The following PLCD1 variants were observed in gnomAD, a reference collection of about 807,000 sequenced individuals.
PLCD1 encodes 1-phosphatidylinositol 4,5-bisphosphate phosphodiesterase delta-1.
A neutral mutation model predicts 87.4 loss-of-function variants in PLCD1; 71 were observed. The ratio of observed to expected loss-of-function variants is 0.81; its 90% CI spans 0.67 to 0.99. The LOEUF (loss-of-function observed/expected upper bound fraction) is 0.99. PLCD1 is among the 50% of genes least tolerant of loss of function. PLCD1 has a pLI of 0.00. For missense variants in PLCD1, 867 were observed against 1,001.5 expected, an observed-to-expected ratio of 0.87 and a Z score of 1.81; for synonymous variants, 348 against 399.2, an observed-to-expected ratio of 0.87 and a Z score of 1.53.
intron 5 of PLCD1, 29 bp from the exon 6 acceptor site, chr3:38,010,591 G>A: frequency 1.3e-6 from 2 of 1,593,246 alleles, no homozygotes; most frequent in Non-Finnish European, 1.7e-6. Context: ...CTGCCCGTCA[G>A]AGCCAGCCTC....
At chr3:38,020,418 C>T in intron 1 of PLCD1, 66 bp from the exon 2 acceptor site, 1 of 1,475,884 alleles carries the variant, frequency 6.8e-7, no homozygotes. Context: ...AGGCCTCACA[C>T]TGGCCATGCC....
chr3:38,010,288 T>C lies in PLCD1; in HGVS notation c.993-13A>G. The C allele has an allele frequency of 6.2e-7, 1 of 1,613,918 alleles. No homozygotes were observed. Among genetic ancestry groups the C allele is most frequent in the Non-Finnish European group, 8.5e-7 (1 of 1,179,956 alleles). ...TTTGCACAGTGCCCTGCGGGGAGGG[T>C]GGTGGCTAGGACCCTCCAGGTCCTG... On this transcript the variant is annotated splice_polypyrimidine_tract_variant and intron_variant, in intron 6 of 14. Coordinates refer to ENST00000334661, the MANE Select transcript of PLCD1 (RefSeq NM_006225.4).
At chr3:38,029,475 G>T in intron 1 of PLCD1, 31 bp downstream of exon 1, 1 of 1,534,806 alleles carries the variant, frequency 6.5e-7, no homozygotes, top group Non-Finnish European at 8.8e-7. Context: ...ACCCCTGCAG[G>T]GTCTCCCGCT....
intron 3 of PLCD1, among the ~76,000 whole-genome samples, chr3:38,015,505 G>A (rs567300342): frequency 1.3e-5 from 2 of 152,318 alleles, no homozygotes; most frequent in South Asian, 4.1e-4. Flanking sequence ...AAAATTGATT[G>A]TGATGATGGC....
At chr3:38,011,092 G>A (rs775178752) in intron 5 of PLCD1, 122 bp downstream of exon 5, 7 of 716,096 alleles carry the variant, frequency 9.8e-6, no homozygotes, top group African/African-American at 5.3e-5. Flanking sequence ...GCAGGGCCCC[G>A]GGGCTGGCTG....
intron 8 of PLCD1, 22 bp from the exon 9 acceptor site, chr3:38,009,833 G>A: frequency 6.2e-7 from 1 of 1,613,600 alleles, no homozygotes; most frequent in South Asian, 1.1e-5. Context: ...GGGGCAACTG[G>A]TCAAGACACA....
intron 14 of PLCD1, 60 bp downstream of exon 14, chr3:38,007,954 C>A: frequency 1.2e-6 from 2 of 1,611,378 alleles, no homozygotes; most frequent in South Asian, 2.2e-5. Flanking sequence ...CAGCCCCAGC[C>A]CAAGAGACGC....
chr3:38,016,421 A>G (rs1700154807), intron 3 of PLCD1, 70 bp downstream of exon 3: 2 of 1,032,202 alleles, frequency 1.9e-6, no homozygotes, highest in Admixed American at 3.8e-5. Context: ...TCCATACCCA[A>G]GTTGCCCTGG....
rs970649137 is a variant in PLCD1 at position 38,009,790 on chromosome 3, G to GC, written c.1308dup (p.Leu437AlafsTer19). On this transcript the variant is annotated frameshift_variant, in exon 9 of 15. Coordinates refer to ENST00000334661, the MANE Select transcript of PLCD1 (RefSeq NM_006225.4). LOFTEE classifies it high-confidence loss of function. ...AGCCCCCCGAGCTTCTTCCCCTTCA[G>GC]CAGGATCTTCCCCTTCAGTTGCTAG... The GC allele has an allele frequency of 2.5e-6, 4 of 1,613,878 alleles. No individual in the cohort carries two copies. In the African/African-American group the frequency reaches 5.3e-5, roughly 22 times the overall value.
At chr3:38,026,768 C>G (rs1051124043) in intron 1 of PLCD1, among the ~76,000 whole-genome samples, 2 of 152,194 alleles carry the variant, frequency 1.3e-5, no homozygotes, top group Admixed American at 1.3e-4. Context: ...TTTGGGGCAA[C>G]CTAGAATTTC....
At chr3:38,024,909 G>T in intron 1 of PLCD1, 1 of 293,138 alleles carries the variant, frequency 3.4e-6, no homozygotes. Flanking sequence ...GATGGGGGTG[G>T]ATCCAGAACC....
intron 2 of PLCD1, 62 bp from the exon 3 acceptor site, chr3:38,016,781 T>C (rs568628494): frequency 4.1e-6 from 5 of 1,214,556 alleles, no homozygotes; most frequent in African/African-American, 3.0e-5. Context: ...TCCCTGACCC[T>C]GACATGGCCA....
At chr3:38,019,761 C>G (rs912956718) in intron 2 of PLCD1, among the ~76,000 whole-genome samples, 6 of 152,178 alleles carry the variant, frequency 3.9e-5, no homozygotes, top group Non-Finnish European at 8.8e-5. Context: ...GAGGAGCTGC[C>G]TCCTGCAGCC....
At chr3:38,028,974 G>C (rs538635853) in intron 1 of PLCD1, among the ~76,000 whole-genome samples, 12 of 152,376 alleles carry the variant, frequency 7.9e-5, no homozygotes, top group African/African-American at 2.6e-4. Flanking sequence ...TTCTGCGCTG[G>C]GCAGTTAAGG....
In PLCD1 at chr3:38,010,450, T is replaced by C. The variant is rs9857730; in HGVS notation, c.903A>G (p.Pro301=). The C allele has an allele frequency of 0.22, 357,946 of 1,613,788 alleles. 43,697 individuals are homozygous for C. Among genetic ancestry groups the C allele is most frequent in the African/African-American group, 0.48 (35,956 of 74,948 alleles). ...AAGAGGACACCAGGTAGTGGCTAAGTGGCTGGCCCATGTCCTGGTAGACAC... is the reference window on the plus strand; with the variant it reads ...AAGAGGACACCAGGTAGTGGCTAAGCGGCTGGCCCATGTCCTGGTAGACAC... ...HRRVYQDMGQ[P]LSHYLVSSSH... is the part of the protein sequence containing the mutation. The change falls in exon 6 of 15, where the codon CCA becomes CCG. Residue 301 remains proline (P), a synonymous_variant. Transcript: ENST00000334661.
At position 38,025,806 on chromosome 3, in the gene PLCD1, C is replaced by A. The variant is rs1387264769; in HGVS notation, c.34+3700G>T. On this transcript the variant is annotated intron_variant, in intron 1 of 14. Coordinates refer to ENST00000334661, the MANE Select transcript of PLCD1 (RefSeq NM_006225.4). The surrounding 1 kb of genome is among the most constrained non-coding windows in gnomAD (Gnocchi z 4.0). ...CCCCTACTGTGTGCCAATGTCAGGA[C>A]ACCACCCAGAGGCCTGACTCTTACT... is the stretch of plus-strand genomic sequence containing the variant. Among the ~76,000 whole-genome samples the A allele has an allele frequency of 6.6e-6, 1 of 152,178 alleles. No homozygotes were observed. Among genetic ancestry groups the A allele is most frequent in the African/African-American group, 2.4e-5 (1 of 41,428 alleles).
At position 38,018,225 on chromosome 3, in the gene PLCD1, C is replaced by T. The variant is rs533303450; in HGVS notation, c.200-1506G>A. 6.6e-6 allele frequency among the ~76,000 whole-genome samples: 1 copy of T among 152,180 alleles called. No individual in the cohort carries two copies. Among genetic ancestry groups the T allele is most frequent in the Non-Finnish European group, 1.5e-5 (1 of 68,012 alleles). On this transcript the variant is annotated intron_variant, in intron 2 of 14. Transcript: ENST00000334661. This position sits in a 1 kb window ranked among gnomAD's most constrained non-coding sequence, Gnocchi z 5.7. ...CAGGTTAAAGAGCAATTGAAGACAA[C>T]AGTCTCACCACTCACCCAGAGAAGG...
chr3:38,009,488 G>T, intron 9 of PLCD1, 57 bp from the exon 10 acceptor site: 2 of 1,598,002 alleles, frequency 1.3e-6, no homozygotes, highest in South Asian at 1.1e-5. Flanking sequence ...GGTAGGCACT[G>T]AGAAAGCCAG....
intron 6 of PLCD1, 40 bp from the exon 7 acceptor site, chr3:38,010,315 C>A: frequency 6.2e-7 from 1 of 1,614,160 alleles, no homozygotes; most frequent in Non-Finnish European, 8.5e-7. Context: ...CAGGTCCTGT[C>A]CCGGGTCCCA....
Sources: allele counts gnomAD v4.1 joint callset (sites outside exome capture counted in the v4.1 genomes callset), GRCh38; gene constraint gnomAD v4.1.1; non-coding constraint Gnocchi (gnomAD v3.1); transcripts MANE v1.5; gene names NCBI Gene and HGNC (gene_info 2026-07-23, HGNC 2026-07-21).